The following PLEKHH3 variants were observed in gnomAD, a reference collection of about 807,000 sequenced individuals.
PLEKHH3 encodes pleckstrin homology, MyTH4 and FERM domain containing H3, also known as pleckstrin homology domain-containing family H member 3.
PLEKHH3 carries 57 observed loss-of-function variants against 77.8 expected under a neutral mutation model. The observed-to-expected ratio is 0.73, with a 90% CI of 0.59 to 0.91. PLEKHH3 has a LOEUF of 0.91. Among genes scored for constraint, PLEKHH3 ranks in the 40% least tolerant of loss-of-function variants. The probability of loss-of-function intolerance (pLI) is 0.00; values close to 1 mark genes in which losing one functional copy is unlikely to be tolerated. For missense variants in PLEKHH3, 1,082 were observed against 1,091.2 expected (o/e 0.99, Z 0.12); for synonymous variants, 467 against 504.8 (o/e 0.93, Z 1.00).
In PLEKHH3 at chr17:42,671,996, A is replaced by T; in HGVS notation, c.1076+90T>A. On this transcript the variant is annotated intron_variant, in intron 7 of 12. Coordinates refer to ENST00000591022, the MANE Select transcript of PLEKHH3 (RefSeq NM_024927.5). This position sits in a 1 kb window ranked among gnomAD's most constrained non-coding sequence, Gnocchi z 4.7. Reference sequence around the variant, plus strand: ...CACTGTATGTATTACTCGGTTCTTTACCTACCAAGTCTTTTGCAAAAGACC... The same window carrying T: ...CACTGTATGTATTACTCGGTTCTTTTCCTACCAAGTCTTTTGCAAAAGACC... 1.8e-6 allele frequency: 2 copies of T among 1,101,118 alleles called. No individual in the cohort carries two copies. Among genetic ancestry groups the T allele is most frequent in the Non-Finnish European group, 2.5e-6 (2 of 784,702 alleles). The allele number at this position is 1,101,118 out of a possible 1,614,324, so 68.2% of individuals were successfully genotyped here. A position where few individuals can be genotyped will look rare whatever the true frequency, so the allele number is the denominator to read the frequency against.
chr17:42,668,171 C>T lies in PLEKHH3; in HGVS notation c.2338G>A (p.Glu780Lys), dbSNP rs1271077284. Residue 780 changes from glutamate (E) to lysine (K), a missense_variant, in exon 13 of 13, where the codon GAG (glutamate) becomes AAG (lysine). This residue lies in a region of PLEKHH3 where 733 missense variants were observed against 750.0 expected (regional missense o/e 0.98). Transcript: ENST00000591022. ...SPPSQRPGLD[E>K]PQGQSGCLGQ... ...AAGCAGCCAGACTGTCCCTGGGGCT[C>T]GTCCAGGCCCGGGCGCTGGCTGGGA... The T allele has an allele frequency of 1.4e-5, 21 of 1,514,438 alleles. No individual in the cohort carries two copies. Among genetic ancestry groups the T allele is most frequent in the African/African-American group, 7.2e-5 (5 of 69,150 alleles). The allele number at this position is 1,514,438 out of a possible 1,614,324, so 93.8% of individuals were successfully genotyped here. A position where few individuals can be genotyped will look rare whatever the true frequency, so the allele number is the denominator to read the frequency against.
chr17:42,675,943 A>T, intron 1 of PLEKHH3: 1 of 1,025,778 alleles, frequency 9.7e-7, no homozygotes, highest in Non-Finnish European at 1.2e-6. Flanking sequence ...CAATCCTGGG[A>T]TGACTTCTCC....
intron 6 of PLEKHH3, among the ~76,000 whole-genome samples, chr17:42,672,640 A>G (rs540848673): frequency 6.6e-6 from 1 of 152,048 alleles, no homozygotes; most frequent in Non-Finnish European, 1.5e-5. Context: ...AGGGAGACGG[A>G]CGGCCGGGAA....
intron 2 of PLEKHH3, 100 bp downstream of exon 2, chr17:42,674,254 C>T (rs1163230603): frequency 4.4e-6 from 6 of 1,372,406 alleles, no homozygotes; most frequent in Middle Eastern, 1.9e-4. Flanking sequence ...CGGCATAGGG[C>T]CTCTCCCTTA....
At position 42,672,392 on chromosome 17, in the gene PLEKHH3, C is replaced by A; in HGVS notation, c.770G>T (p.Gly257Val). ...LPLPYGVSAP[G>V]PGYAPLREEA... is the part of the protein sequence containing the mutation. ...CTCGCGCAGGGGTGCATAGCCCGGA[C>A]CTGTGGGAGGGTGGGGGCGGAGGGA... The change falls in exon 7 of 13, where the codon GGT becomes GTT. Residue 257 changes from glycine (G) to valine (V), a missense_variant and splice_region_variant. Physicochemically the swap from Gly to Val is moderately radical, Grantham distance 109. Coordinates refer to ENST00000591022, the MANE Select transcript of PLEKHH3 (RefSeq NM_024927.5). The A allele has an allele frequency of 6.6e-7, 1 of 1,509,670 alleles. No homozygotes were observed. The highest frequency in any genetic ancestry group is 8.8e-7 in the Non-Finnish European group (1 of 1,130,046). 93.5% of individuals were successfully genotyped at this position (1,509,670 alleles called of 1,614,324 possible).
In PLEKHH3 at chr17:42,670,239, C is replaced by T; in HGVS notation, c.1692G>A (p.Pro564=). 1 of 1,223,522 alleles carries T rather than the reference C, an allele frequency of 8.2e-7. No homozygotes were observed. Among genetic ancestry groups the T allele is most frequent in the African/African-American group, 1.6e-5 (1 of 63,714 alleles). 75.8% of individuals were successfully genotyped at this position (1,223,522 alleles called of 1,614,324 possible). A position where few individuals can be genotyped will look rare whatever the true frequency, so the allele number is the denominator to read the frequency against. The change falls in exon 11 of 13, where the codon CCG becomes CCA. Residue 564 remains proline, a synonymous_variant. Transcript: ENST00000591022. ...GGTCTTCGCGCGGCGGGGCCGGGGG[C>T]GGGAGCAGGCGGTCCAGGCGGGGCA... The part of the protein sequence containing the change: ...VPLPRLDRLL[P]PPAPPREDPP...
At chr17:42,668,441 TCAC>T in intron 12 of PLEKHH3, 138 bp from the exon 13 acceptor site, 1 of 624,408 alleles carries the variant, frequency 1.6e-6, no homozygotes, top group East Asian at 3.4e-5. Context: ...TCCTTCCTTA[TCAC>T]CACTCTCTCC....
In PLEKHH3 at chr17:42,668,187, C is replaced by A. The variant is rs745614985; in HGVS notation, c.2322G>T (p.Gln774His). 7 of 1,551,368 alleles carry A rather than the reference C, an allele frequency of 4.5e-6. No homozygotes were observed. In the South Asian group the frequency reaches 8.4e-5, roughly 19 times the overall value. Residue 774 changes from glutamine (Q) to histidine (H), a missense_variant, in exon 13 of 13, where the codon CAG (glutamine) becomes CAT (histidine). Around this residue, in one of 3 missense-constraint regions of PLEKHH3, gnomAD observed 733 missense variants for 750.0 expected, o/e 0.98. Transcript: ENST00000591022. ...CCTGGGGCTCGTCCAGGCCCGGGCGCTGGCTGGGAGGGGAGGTGTCTGGCA... is the reference window on the plus strand; with the variant it reads ...CCTGGGGCTCGTCCAGGCCCGGGCGATGGCTGGGAGGGGAGGTGTCTGGCA... ...QDLPDTSPPS[Q>H]RPGLDEPQGQ...
At position 42,676,488 on chromosome 17, in the gene PLEKHH3, C is replaced by G. The variant is rs760202046; in HGVS notation, c.76G>C (p.Asp26His). 3 of 1,610,962 alleles carry G rather than the reference C, an allele frequency of 1.9e-6. No individual in the cohort carries two copies. The highest frequency in any genetic ancestry group is 2.5e-6 in the Non-Finnish European group (3 of 1,178,866). ...GFTLLHRDYGDGELSGDGDED... is the reference protein window; with the variant it reads ...GFTLLHRDYGHGELSGDGDED... ...TCCCCGTCCCCGCTAAGCTCGCCGT[C>G]CCCGTAGTCCCGGTGCAGAAGAGTG... The change falls in exon 1 of 13, where the codon GAC becomes CAC. Residue 26 changes from aspartate (D) to histidine (H), a missense_variant. This residue lies in a region of PLEKHH3 where 344 missense variants were observed against 320.8 expected (regional missense o/e 1.07). Transcript: ENST00000591022. The surrounding 1 kb of genome is among the most constrained non-coding windows in gnomAD (Gnocchi z 6.6).
intron 9 of PLEKHH3, 48 bp from the exon 10 acceptor site, chr17:42,670,753 C>T (rs762578389): frequency 2.6e-6 from 4 of 1,567,242 alleles, no homozygotes; most frequent in Non-Finnish European, 1.7e-6. Flanking sequence ...CGGACCCCTA[C>T]GGCGAGGGCA....
Position 42,673,429 on chromosome 17 carries a change from G to T in PLEKHH3, c.618C>A (p.Thr206=), listed in dbSNP as rs752194260. ...TGTCCCTGAGCAGTAGCTGGGTGGG[G>T]GTCTCCAGGGGTGCCTTGGAGGCGA... ...EVIASKAPLE[T]PTQLLLRDIQ... Residue 206 remains threonine (T), a synonymous_variant, in exon 5 of 13, where the codon ACC becomes ACA. Coordinates refer to ENST00000591022, the MANE Select transcript of PLEKHH3 (RefSeq NM_024927.5). 6.2e-7 allele frequency: 1 copy of T among 1,613,410 alleles called. No individual in the cohort carries two copies. Among genetic ancestry groups the T allele is most frequent in the South Asian group, 1.1e-5 (1 of 91,078 alleles).
Position 42,672,396 on chromosome 17 carries a change from T to A in PLEKHH3, c.770-4A>T. On this transcript the variant is annotated splice_polypyrimidine_tract_variant and splice_region_variant and intron_variant, in intron 6 of 12. Transcript: ENST00000591022. ...CGCAGGGGTGCATAGCCCGGACCTG[T>A]GGGAGGGTGGGGGCGGAGGGACGGT... 6.7e-7 allele frequency: 1 copy of A among 1,497,238 alleles called. No homozygotes were observed. Among genetic ancestry groups the A allele is most frequent in the Non-Finnish European group, 8.9e-7 (1 of 1,123,992 alleles). The allele number at this position is 1,497,238 out of a possible 1,614,324, so 92.7% of individuals were successfully genotyped here. A position where few individuals can be genotyped will look rare whatever the true frequency, so the allele number is the denominator to read the frequency against.
rs2052657827 is a variant in PLEKHH3, at chr17:42,670,202, T to G, written c.1729A>C (p.Thr577Pro). The change falls in exon 11 of 13, where the codon ACC becomes CCC. Residue 577 changes from threonine (T) to proline (P), a missense_variant. By Grantham distance (38) the Thr-to-Pro change is conservative. Around this residue, in one of 3 missense-constraint regions of PLEKHH3, gnomAD observed 733 missense variants for 750.0 expected, o/e 0.98. Coordinates refer to ENST00000591022, the MANE Select transcript of PLEKHH3 (RefSeq NM_024927.5). ...APPREDPPRPTPRPPPSAALL... is the reference protein window; with the variant it reads ...APPREDPPRPPPRPPPSAALL... ...GCAGCGGAAGGGGGCGGCCTGGGGGTCGGGCGGGGCGGGTCTTCGCGCGGC... is the reference window on the plus strand; with the variant it reads ...GCAGCGGAAGGGGGCGGCCTGGGGGGCGGGCGGGGCGGGTCTTCGCGCGGC... 8.7e-7 allele frequency: 1 copy of G among 1,150,040 alleles called. No homozygotes were observed. Among genetic ancestry groups the G allele is most frequent in the African/African-American group, 1.7e-5 (1 of 58,428 alleles). 71.2% of individuals were successfully genotyped at this position (1,150,040 alleles called of 1,614,324 possible).
chr17:42,672,517 G>A, intron 6 of PLEKHH3, 125 bp from the exon 7 acceptor site: 1 of 807,184 alleles, frequency 1.2e-6, no homozygotes, highest in Admixed American at 3.1e-5. Context: ...GGGAGGGGAG[G>A]GTACGAACGA....
chr17:42,674,256 T>G (rs931049396), intron 2 of PLEKHH3, 98 bp downstream of exon 2: 44 of 1,389,440 alleles, frequency 3.2e-5, no homozygotes, highest in Non-Finnish European at 4.3e-5. Context: ...GCATAGGGCC[T>G]CTCCCTTATT....
At position 42,671,893 on chromosome 17, in the gene PLEKHH3, C is replaced by A. The variant is rs561099874; in HGVS notation, c.1076+193G>T. Among the ~76,000 whole-genome samples the A allele has an allele frequency of 1.3e-5, 2 of 152,204 alleles. No homozygotes were observed. Among genetic ancestry groups the A allele is most frequent in the African/African-American group, 2.4e-5 (1 of 41,446 alleles). ...TGGAGGAAAAGCAGCCTTTTCATAA[C>A]TCCTCAGCCCAAGGGGGGCGTTTTA... On this transcript the variant is annotated intron_variant, in intron 7 of 12. Coordinates refer to ENST00000591022, the MANE Select transcript of PLEKHH3 (RefSeq NM_024927.5). The surrounding 1 kb of genome is among the most constrained non-coding windows in gnomAD (Gnocchi z 4.7).
At chr17:42,674,563 G>T (rs1172017073) in intron 1 of PLEKHH3, among the ~76,000 whole-genome samples, 154 bp from the exon 2 acceptor site, 1 of 152,196 alleles carries the variant, frequency 6.6e-6, no homozygotes, top group African/African-American at 2.4e-5. Flanking sequence ...GAGCCCCTGG[G>T]CTCGCCCCTC....
chr17:42,670,829 T>C (rs2052683061), intron 9 of PLEKHH3, 124 bp from the exon 10 acceptor site: 3 of 1,514,538 alleles, frequency 2.0e-6, no homozygotes, highest in Non-Finnish European at 2.7e-6. Context: ...GCGGAGGTGA[T>C]GCTGCAGTCG....
Position 42,676,680 on chromosome 17 carries a change from G to A in PLEKHH3, c.-117C>T. ...AAAGATGAGGTGGGAGGAGCAGAAG[G>A]GAGAAGAGGACAGGGAGGAGGCAGT... is the stretch of plus-strand genomic sequence containing the variant. On this transcript the variant is annotated 5_prime_UTR_variant, in exon 1 of 13. Transcript: ENST00000591022. The surrounding 1 kb of genome is among the most constrained non-coding windows in gnomAD (Gnocchi z 6.6). The A allele has an allele frequency of 9.9e-7, 1 of 1,014,616 alleles. No individual in the cohort carries two copies. Among genetic ancestry groups the A allele is most frequent in the East Asian group, 2.6e-5 (1 of 38,464 alleles). 62.9% of individuals were successfully genotyped at this position (1,014,616 alleles called of 1,614,324 possible). A position where few individuals can be genotyped will look rare whatever the true frequency, so the allele number is the denominator to read the frequency against.
Sources: gnomAD v4.1 joint callset for allele counts (sites outside exome capture counted in the v4.1 genomes callset) on GRCh38, gnomAD v4.1.1 for gene constraint, gnomAD v4.1.1 regional missense constraint, Gnocchi (gnomAD v3.1) non-coding constraint, MANE v1.5 for transcripts, NCBI Gene and HGNC (gene_info 2026-07-23, HGNC 2026-07-21) for gene names.